Variants in RNASE4 observed in about 807,000 individuals in gnomAD.
RNASE4 encodes the protein ribonuclease 4.
For synonymous variants in RNASE4, 93 were observed against 71.4 expected (o/e 1.30, Z -1.52); for missense variants, 194 against 192.8 (o/e 1.01, Z -0.04).
At chr14:20,688,313 G>A (rs1010458) in intron 1 of RNASE4, among the ~76,000 whole-genome samples, 28,075 of 152,082 alleles carry the variant, frequency 0.18, 2,837 homozygotes, top group East Asian at 0.42. Flanking sequence ...CTTAGCATCC[G>A]TTCATGAAAC....
In RNASE4 at chr14:20,698,652, A is replaced by G. The variant is rs1887173309; in HGVS notation, c.-17-703A>G. Among the ~76,000 whole-genome samples, 3 of 152,132 alleles carry G rather than the reference A, an allele frequency of 2.0e-5. No individual in the cohort carries two copies. In the South Asian group the frequency reaches 6.2e-4, roughly 32 times the overall value. ...TAGAATTAAAAGGATTTCCAAAAGG[A>G]CCTGATTTTACATTAGAATTAGAAT... On this transcript the variant is annotated intron_variant, in intron 1 of 1. Transcript: ENST00000555835.
intron 1 of RNASE4, among the ~76,000 whole-genome samples, chr14:20,687,580 TCTC>T (rs1267117842): frequency 6.6e-6 from 1 of 152,178 alleles, no homozygotes; most frequent in Non-Finnish European, 1.5e-5. Context: ...AGGTCAGTTT[TCTC>T]CTTGCTTATG....
intron 1 of RNASE4, chr14:20,698,773 G>C (rs1000505744): frequency 6.6e-6 from 1 of 152,000 alleles, no homozygotes; most frequent in African/African-American, 2.4e-5. Context: ...AAAAAGAAAA[G>C]AAAAATAATA....
At chr14:20,689,010 A>G (rs1458310764) in intron 1 of RNASE4, 10 of 350,366 alleles carry the variant, frequency 2.9e-5, no homozygotes, top group African/African-American at 4.4e-5. Flanking sequence ...TCTAAAGTTT[A>G]AAATGAAAAC....
At chr14:20,692,503 C>G (rs1886814374) in intron 1 of RNASE4, among the ~76,000 whole-genome samples, 1 of 152,268 alleles carries the variant, frequency 6.6e-6, no homozygotes. Flanking sequence ...GCTCTGCCTC[C>G]TGCCAGATCA....
chr14:20,694,117 C>G, intron 1 of RNASE4: 1 of 1,189,938 alleles, frequency 8.4e-7, no homozygotes, highest in East Asian at 2.3e-5. Flanking sequence ...AAAGAAAGAG[C>G]TACCTGGACC....
intron 1 of RNASE4, among the ~76,000 whole-genome samples, chr14:20,690,314 CAGTT>C (rs1170276714): frequency 6.7e-6 from 1 of 148,618 alleles, no homozygotes; most frequent in Non-Finnish European, 1.5e-5. Flanking sequence ...AGCTGACAGA[CAGTT>C]ACGTGTTTGG....
intron 1 of RNASE4, among the ~76,000 whole-genome samples, chr14:20,686,888 A>G (rs1054675736): frequency 6.6e-6 from 1 of 152,246 alleles, no homozygotes; most frequent in Non-Finnish European, 1.5e-5. Flanking sequence ...AGAATGATAC[A>G]TATATACTCT....
intron 1 of RNASE4, among the ~76,000 whole-genome samples, chr14:20,696,847 T>A (rs913588638): frequency 2.0e-5 from 3 of 152,198 alleles, no homozygotes; most frequent in Admixed American, 1.3e-4. Context: ...AGGTAGGTAT[T>A]ACATGCTCAT....
intron 1 of RNASE4, chr14:20,693,668 C>T: frequency 6.2e-7 from 1 of 1,614,132 alleles, no homozygotes; most frequent in Non-Finnish European, 8.5e-7. Flanking sequence ...CACTTCCTGA[C>T]CCAGCACTAT....
At chr14:20,686,695 G>C (rs1178406238) in intron 1 of RNASE4, among the ~76,000 whole-genome samples, 1 of 151,968 alleles carries the variant, frequency 6.6e-6, no homozygotes, top group Non-Finnish European at 1.5e-5. Context: ...CCTTCAATCA[G>C]TAGTGTTGCC....
chr14:20,694,938 T>C (rs1281654836), intron 1 of RNASE4, among the ~76,000 whole-genome samples: 1 of 152,192 alleles, frequency 6.6e-6, no homozygotes, highest in East Asian at 1.9e-4. Flanking sequence ...GGTAGCCACC[T>C]TTTGTCTTAA....
intron 1 of RNASE4, chr14:20,688,973 A>C (rs1003686629): frequency 2.2e-4 from 130 of 581,402 alleles, no homozygotes; most frequent in African/African-American, 2.6e-4. Context: ...GCTCAAGCTC[A>C]TGAATTAAAA....
In RNASE4 at chr14:20,690,484, A is replaced by C. The variant is rs115011300; in HGVS notation, c.-18+5726A>C. Among the ~76,000 whole-genome samples, 803 of 152,228 alleles carry C rather than the reference A, an allele frequency of 5.3e-3. 7 individuals carry two copies. The highest frequency in any genetic ancestry group is 0.019 in the African/African-American group (776 of 41,524). On this transcript the variant is annotated intron_variant, in intron 1 of 1. Transcript: ENST00000555835. ...TGCTTTTTGAGGAATTTAGAGTTGA[A>C]TATATTGAGAAAGTTTTGAGTGAGG...
Position 20,692,887 on chromosome 14 carries a change from G to A in RNASE4, c.-17-6468G>A, listed in dbSNP as rs571503657. On this transcript the variant is annotated intron_variant, in intron 1 of 1. Coordinates refer to ENST00000555835, the MANE Select transcript of RNASE4 (RefSeq NM_002937.5). Reference sequence around the variant, plus strand: ...TTCCGAGACGGAGTCTCGCTCTGTCGCCAAGGCTGGAGTGCAGTGGCGCGA... The same window carrying A: ...TTCCGAGACGGAGTCTCGCTCTGTCACCAAGGCTGGAGTGCAGTGGCGCGA... Among the ~76,000 whole-genome samples, 1,218 of 151,864 alleles carry A rather than the reference G, an allele frequency of 8.0e-3. 18 individuals carry two copies. The highest frequency in any genetic ancestry group is 0.028 in the African/African-American group (1,139 of 41,366).
At chr14:20,687,020 G>C (rs1355914816) in intron 1 of RNASE4, among the ~76,000 whole-genome samples, 1 of 152,074 alleles carries the variant, frequency 6.6e-6, no homozygotes, top group African/African-American at 2.4e-5. Context: ...CCAGGAAAGG[G>C]GAATGACTTT....
intron 1 of RNASE4, among the ~76,000 whole-genome samples, chr14:20,698,476 A>T (rs1887164934): frequency 1.3e-5 from 2 of 152,240 alleles, no homozygotes; most frequent in Admixed American, 1.3e-4. Context: ...TCAATTTCAT[A>T]AGCCTGGGAA....
intron 1 of RNASE4, chr14:20,688,852 T>A (rs994604988): frequency 1.0e-6 from 1 of 985,406 alleles, no homozygotes; most frequent in African/African-American, 1.7e-5. Flanking sequence ...ACTGCCAGAT[T>A]TTTGTAAGAT....
intron 1 of RNASE4, among the ~76,000 whole-genome samples, chr14:20,690,258 A>C (rs970334161): frequency 1.3e-5 from 2 of 151,060 alleles, no homozygotes; most frequent in Admixed American, 6.6e-5. Flanking sequence ...AGAAAAGAAA[A>C]GAAAAAAAGG....
Sources: allele counts gnomAD v4.1 joint callset (sites outside exome capture counted in the v4.1 genomes callset), GRCh38; gene constraint gnomAD v4.1.1; transcripts MANE v1.5; gene names NCBI Gene and HGNC (gene_info 2026-07-23, HGNC 2026-07-21).